TRERF1: variants seen among roughly 807,000 people sequenced by gnomAD.
TRERF1 encodes transcriptional-regulating factor 1.
Under a neutral mutation model 122.9 loss-of-function variants are expected in TRERF1, and 27 were observed. The ratio of observed to expected loss-of-function variants is 0.22; its 90% CI spans 0.16 to 0.30. The LOEUF is 0.30. Ranked by LOEUF, TRERF1 falls within the 10% of genes least tolerant of loss-of-function variation. The pLI, the probability that TRERF1 is intolerant of heterozygous loss-of-function variation, is 1.00. For missense variants in TRERF1, 1,248 were observed against 1,560.3 expected (o/e 0.80, Z 3.37); for synonymous variants, 636 against 641.7 (o/e 0.99, Z 0.13).
intron 3 of TRERF1, among the ~76,000 whole-genome samples, chr6:42,344,666 A>G (rs1194065172): frequency 6.6e-6 from 1 of 152,054 alleles, no homozygotes; most frequent in Admixed American, 6.5e-5. Flanking sequence ...TCCAGCCCCA[A>G]CTGCAGATCA....
intron 13 of TRERF1, among the ~76,000 whole-genome samples, chr6:42,252,734 C>T (rs12194245): frequency 0.19 from 29,384 of 152,104 alleles, 3,210 homozygotes; most frequent in African/African-American, 0.28. Flanking sequence ...GCCTCCCCTG[C>T]GGCTTAGAAG....
At chr6:42,283,197 A>T (rs1315002147) in intron 4 of TRERF1, among the ~76,000 whole-genome samples, 1 of 152,198 alleles carries the variant, frequency 6.6e-6, no homozygotes, top group South Asian at 2.1e-4. Context: ...CCAGCAGGAG[A>T]GCTGAAATAA....
chr6:42,290,980 G>T (rs1784238428), intron 4 of TRERF1, among the ~76,000 whole-genome samples: 1 of 152,170 alleles, frequency 6.6e-6, no homozygotes, highest in South Asian at 2.1e-4. Flanking sequence ...AAGAATTCGT[G>T]AAAGGGTGTG....
At chr6:42,444,477 C>A (rs1787115498) in intron 2 of TRERF1, among the ~76,000 whole-genome samples, 1 of 152,146 alleles carries the variant, frequency 6.6e-6, no homozygotes, top group South Asian at 2.1e-4. Flanking sequence ...TAAGCCCAAA[C>A]TCCTTCCCAG....
chr6:42,433,999 G>A (rs1480236906), intron 2 of TRERF1, among the ~76,000 whole-genome samples: 2 of 152,162 alleles, frequency 1.3e-5, no homozygotes, highest in Non-Finnish European at 2.9e-5. Context: ...CTCCAGCTTA[G>A]GCAACAGAGT....
chr6:42,246,649 A>ATG, intron 13 of TRERF1, 105 bp from the exon 14 acceptor site: 1 of 713,836 alleles, frequency 1.4e-6, no homozygotes, highest in Non-Finnish European at 2.3e-6. Context: ...AGCAAGTGAT[A>ATG]TAATACATAT....
At chr6:42,272,230 T>C (rs917515941) in intron 4 of TRERF1, among the ~76,000 whole-genome samples, 1 of 152,234 alleles carries the variant, frequency 6.6e-6, no homozygotes, top group Admixed American at 6.5e-5. Flanking sequence ...ACTGCAGTCG[T>C]ACCCTTCTAC....
intron 3 of TRERF1, among the ~76,000 whole-genome samples, chr6:42,307,281 C>T (rs576241025): frequency 1.6e-4 from 25 of 152,142 alleles, no homozygotes; most frequent in Admixed American, 2.6e-4. Context: ...TCATTAAGTG[C>T]TCCCCACACG....
chr6:42,232,665 G>C lies in TRERF1; in HGVS notation c.3278+16C>G, dbSNP rs376605941. On this transcript the variant is annotated intron_variant, in intron 17 of 17. Transcript: ENST00000372922. The surrounding 1 kb of genome is among the most constrained non-coding windows in gnomAD (Gnocchi z 4.5). ...CATCATGAACTCAGATTCAGTCCCC[G>C]GTCCCCTGCACCTACTTGCCACACT... 6.4e-7 allele frequency: 1 copy of C among 1,572,644 alleles called. No homozygotes were observed. The highest frequency in any genetic ancestry group is 1.7e-5 in the Admixed American group (1 of 58,006).
intron 4 of TRERF1, among the ~76,000 whole-genome samples, chr6:42,288,424 C>T (rs930385412): frequency 7.2e-5 from 11 of 151,760 alleles, no homozygotes; most frequent in South Asian, 2.1e-4. Context: ...CATCATTAGC[C>T]GGGCGTGCTG....
chr6:42,256,827 C>T, exon 12 of TRERF1: 2 of 1,614,224 alleles, frequency 1.2e-6, no homozygotes, highest in Non-Finnish European at 1.7e-6. Flanking sequence ...TCAGAAGATT[C>T]TCCACTGTTG....
chr6:42,372,595 A>C (rs543960684), intron 2 of TRERF1, among the ~76,000 whole-genome samples: 1 of 152,346 alleles, frequency 6.6e-6, no homozygotes, highest in South Asian at 2.1e-4. Context: ...ATTCGCACCT[A>C]AGAAAGCTGG....
intron 4 of TRERF1, among the ~76,000 whole-genome samples, chr6:42,286,043 G>T (rs1395678714): frequency 6.6e-6 from 1 of 150,576 alleles, no homozygotes; most frequent in Admixed American, 6.6e-5. Context: ...GCAATTAAAA[G>T]GATTCCCTAT....
chr6:42,357,007 A>C (rs1300601004), intron 3 of TRERF1, among the ~76,000 whole-genome samples: 1 of 152,148 alleles, frequency 6.6e-6, no homozygotes, highest in Admixed American at 6.5e-5. Context: ...GCCTTGAGAG[A>C]AACCAGTGGT....
At chr6:42,404,425 C>A (rs1243331834) in intron 2 of TRERF1, among the ~76,000 whole-genome samples, 5 of 152,138 alleles carry the variant, frequency 3.3e-5, no homozygotes, top group Non-Finnish European at 7.3e-5. Flanking sequence ...CATTTCCTCT[C>A]TGGATTCTTG....
At chr6:42,406,731 C>T (rs1409001229) in intron 2 of TRERF1, among the ~76,000 whole-genome samples, 1 of 152,076 alleles carries the variant, frequency 6.6e-6, no homozygotes, top group African/African-American at 2.4e-5. Context: ...GCATCCCTGG[C>T]CTTGCTGCCT....
intron 3 of TRERF1, among the ~76,000 whole-genome samples, chr6:42,327,766 C>A (rs1352982798): frequency 2.0e-5 from 3 of 152,094 alleles, no homozygotes; most frequent in Admixed American, 2.0e-4. Context: ...TTAGAAGACT[C>A]TTCTGAGGAT....
chr6:42,304,895 T>C (rs1034134508), intron 3 of TRERF1, among the ~76,000 whole-genome samples: 3 of 152,232 alleles, frequency 2.0e-5, no homozygotes, highest in Admixed American at 1.3e-4. Flanking sequence ...CTGAAGCCAG[T>C]AGACCTGGAT....
intron 2 of TRERF1, among the ~76,000 whole-genome samples, chr6:42,394,501 A>G (rs908136189): frequency 1.3e-5 from 2 of 152,130 alleles, no homozygotes; most frequent in East Asian, 3.9e-4. Context: ...TGCTTCCAAC[A>G]CTTTCCAGAG....
Sources: gnomAD v4.1 joint callset for allele counts (sites outside exome capture counted in the v4.1 genomes callset) on GRCh38, gnomAD v4.1.1 for gene constraint, Gnocchi (gnomAD v3.1) non-coding constraint, MANE v1.5 for transcripts, NCBI Gene and HGNC (gene_info 2026-07-23, HGNC 2026-07-21) for gene names.